BTBD9: variants seen among roughly 807,000 people sequenced by gnomAD.
BTBD9 encodes the protein BTB/POZ domain-containing protein 9.
Under a neutral mutation model 64.3 loss-of-function variants are expected in BTBD9, and 49 were observed. That is an observed-to-expected ratio of 0.76 (90% CI 0.61 to 0.97). The LOEUF (loss-of-function observed/expected upper bound fraction) is 0.97. Ranked by LOEUF, BTBD9 falls within the 50% of genes least tolerant of loss-of-function variation. The pLI is 0.00. For missense variants in BTBD9, 598 were observed against 762.1 expected (o/e 0.78, Z 2.53); for synonymous variants, 260 against 274.7 (o/e 0.95, Z 0.53).
chr6:38,270,131 C>G (rs1316788271), intron 8 of BTBD9, among the ~76,000 whole-genome samples: 1 of 152,214 alleles, frequency 6.6e-6, no homozygotes, highest in Non-Finnish European at 1.5e-5. Context: ...ATATTGCACT[C>G]TGCAAATTAA....
At chr6:38,460,376 T>TA (rs1770020089) in intron 6 of BTBD9, among the ~76,000 whole-genome samples, 1 of 152,232 alleles carries the variant, frequency 6.6e-6, no homozygotes, top group East Asian at 1.9e-4. Flanking sequence ...AACACATTCC[T>TA]ATTTGTTTTG....
At chr6:38,243,402 G>A (rs545891976) in intron 9 of BTBD9, among the ~76,000 whole-genome samples, 131 of 152,206 alleles carry the variant, frequency 8.6e-4, no homozygotes, top group African/African-American at 2.9e-3. Flanking sequence ...TCACAGCAAC[G>A]ACAACCTAGC....
At chr6:38,456,704 T>G (rs1323506866) in intron 6 of BTBD9, among the ~76,000 whole-genome samples, 3 of 152,194 alleles carry the variant, frequency 2.0e-5, no homozygotes, top group Admixed American at 6.5e-5. Context: ...AAAGTTGGGT[T>G]GTCTGTTTAG....
At chr6:38,319,160 G>A (rs1010506087) in intron 7 of BTBD9, among the ~76,000 whole-genome samples, 1 of 152,086 alleles carries the variant, frequency 6.6e-6, no homozygotes, top group South Asian at 2.1e-4. Context: ...AATGGCAGTA[G>A]GTTCCCCTCT....
At chr6:38,598,905 G>A (rs1474206706) in intron 1 of BTBD9, among the ~76,000 whole-genome samples, 12 of 152,012 alleles carry the variant, frequency 7.9e-5, no homozygotes, top group East Asian at 3.9e-4. Flanking sequence ...CCACAAGAGC[G>A]AAACTTCTTC....
At chr6:38,332,458 C>T (rs1460570087) in intron 7 of BTBD9, among the ~76,000 whole-genome samples, 3 of 152,188 alleles carry the variant, frequency 2.0e-5, no homozygotes, top group Non-Finnish European at 4.4e-5. Context: ...TATATTCTTA[C>T]ACATACTGGG....
In BTBD9 at chr6:38,474,726, T is replaced by C. The variant is rs112537255; in HGVS notation, c.1154+102874A>G. The stretch of plus-strand genomic sequence containing the variant: ...AATAGTATTTCCACTTGTTCCAGCA[T>C]AGAGATATCCTCCTGTCTCTTTCTT... On this transcript the variant is annotated intron_variant, in intron 6 of 10. Transcript: ENST00000481247. 7.4e-3 allele frequency among the ~76,000 whole-genome samples: 1,134 copies of C among 152,296 alleles called. 10 individuals are homozygous for C. Among genetic ancestry groups the C allele is most frequent in the African/African-American group, 0.025 (1,057 of 41,550 alleles).
chr6:38,360,705 T>C (rs1764917932), intron 6 of BTBD9, among the ~76,000 whole-genome samples: 1 of 151,974 alleles, frequency 6.6e-6, no homozygotes, highest in African/African-American at 2.4e-5. Flanking sequence ...AATATGACCC[T>C]AGGACCCTAG....
At chr6:38,601,013 C>A (rs1777221466) in intron 1 of BTBD9, among the ~76,000 whole-genome samples, 1 of 152,050 alleles carries the variant, frequency 6.6e-6, no homozygotes. Context: ...TCTCAATGAG[C>A]TTGCCCAACA....
At chr6:38,597,670 T>C (rs1227178639) in intron 2 of BTBD9, among the ~76,000 whole-genome samples, 1 of 151,604 alleles carries the variant, frequency 6.6e-6, no homozygotes, top group Non-Finnish European at 1.5e-5. Flanking sequence ...TGAAAAATGG[T>C]TGATTGGGCA....
At chr6:38,601,545 G>C (rs1777239222) in intron 1 of BTBD9, among the ~76,000 whole-genome samples, 1 of 152,076 alleles carries the variant, frequency 6.6e-6, no homozygotes, top group Non-Finnish European at 1.5e-5. Flanking sequence ...AATTAGCCAG[G>C]CATGGTGGCA....
At chr6:38,431,947 C>G (rs1015071643) in intron 6 of BTBD9, among the ~76,000 whole-genome samples, 2 of 151,914 alleles carry the variant, frequency 1.3e-5, no homozygotes, top group African/African-American at 4.9e-5. Flanking sequence ...TGTTGGAAAT[C>G]TGGTACCTGG....
intron 6 of BTBD9, among the ~76,000 whole-genome samples, chr6:38,559,946 T>C (rs1335657992): frequency 6.6e-6 from 1 of 152,182 alleles, no homozygotes; most frequent in East Asian, 1.9e-4. Flanking sequence ...ATTAATGACT[T>C]AAATGTAAGA....
At chr6:38,538,878 A>G (rs1774144099) in intron 6 of BTBD9, among the ~76,000 whole-genome samples, 1 of 151,708 alleles carries the variant, frequency 6.6e-6, no homozygotes, top group Admixed American at 6.6e-5. Flanking sequence ...CTGTCTCCCA[A>G]GCTCATGTGA....
intron 6 of BTBD9, among the ~76,000 whole-genome samples, chr6:38,362,371 A>G (rs977528347): frequency 1.3e-5 from 2 of 152,238 alleles, no homozygotes. Context: ...TCCTTTTCAA[A>G]GTACCCATAC....
Position 38,204,549 on chromosome 6 carries a change from C to T in BTBD9, c.1563-11952G>A, listed in dbSNP as rs577536816. Among the ~76,000 whole-genome samples, 3 of 152,132 alleles carry T rather than the reference C, an allele frequency of 2.0e-5. No homozygotes were observed. In the South Asian group the frequency reaches 6.2e-4, roughly 32 times the overall value. The stretch of plus-strand genomic sequence containing the variant: ...TGGTTGCCTAGGGCTGGGGAATTAA[C>T]TGGGGGGATTGGGAGGTGATGGCTA... On this transcript the variant is annotated intron_variant, in intron 9 of 10. Transcript: ENST00000481247.
chr6:38,620,766 G>A (rs79011177), intron 1 of BTBD9, among the ~76,000 whole-genome samples: 2,436 of 152,174 alleles, frequency 0.016, 62 homozygotes, highest in African/African-American at 0.054. Context: ...AAACAGTTGC[G>A]GGGGTTCCTT....
intron 1 of BTBD9, among the ~76,000 whole-genome samples, chr6:38,637,501 T>G (rs1426394173): frequency 6.6e-6 from 1 of 152,218 alleles, no homozygotes; most frequent in African/African-American, 2.4e-5. Flanking sequence ...TGGTCAGTAT[T>G]TTTAAGCATC....
chr6:38,392,349 G>A (rs1385114389), intron 6 of BTBD9, among the ~76,000 whole-genome samples: 1 of 152,158 alleles, frequency 6.6e-6, no homozygotes, highest in Non-Finnish European at 1.5e-5. Flanking sequence ...AAAGAGAATG[G>A]ACTAGGAGTT....
Sources: allele counts gnomAD v4.1 joint callset (sites outside exome capture counted in the v4.1 genomes callset), GRCh38; gene constraint gnomAD v4.1.1; transcripts MANE v1.5; gene names NCBI Gene and HGNC (gene_info 2026-07-23, HGNC 2026-07-21).